The following PTGFRN variants were observed in gnomAD, a reference collection of about 807,000 sequenced individuals.
The protein encoded by PTGFRN is prostaglandin F2 receptor negative regulator.
PTGFRN carries 35 observed loss-of-function variants against 83.2 expected under a neutral mutation model. The observed-to-expected ratio is 0.42, with a 90% CI of 0.32 to 0.56. The LOEUF (loss-of-function observed/expected upper bound fraction) is 0.56. Ranked by LOEUF, PTGFRN falls within the 20% of genes least tolerant of loss-of-function variation. The pLI, the probability that PTGFRN is intolerant of heterozygous loss-of-function variation, is 0.11. For synonymous variants in PTGFRN, 519 were observed against 498.6 expected (o/e 1.04, Z -0.55); for missense variants, 1,051 against 1,179.5 (o/e 0.89, Z 1.60).
rs746539773 is a variant in PTGFRN, at chr1:116,941,227, G to A, written c.50-488G>A. ...TAACAGGAGTTAAATCATTTTATCA[G>A]CAGGCTGCTCTAGGATTTAAAAATT... On this transcript the variant is annotated intron_variant, in intron 1 of 8. Coordinates refer to ENST00000393203, the MANE Select transcript of PTGFRN (RefSeq NM_020440.4). The surrounding 1 kb of genome is among the most constrained non-coding windows in gnomAD (Gnocchi z 5.0). Among the ~76,000 whole-genome samples, 27 of 152,178 alleles carry A rather than the reference G, an allele frequency of 1.8e-4. No individual in the cohort carries two copies. Among genetic ancestry groups the A allele is most frequent in the Non-Finnish European group, 3.5e-4 (24 of 68,036 alleles).
intron 7 of PTGFRN, among the ~76,000 whole-genome samples, chr1:116,983,498 CAAAAAAAA>C (rs71096893): frequency 2.4e-3 from 249 of 104,020 alleles, no homozygotes; most frequent in African/African-American, 7.8e-3. Flanking sequence ...ACACTGGGAA[CAAAAAAAA>C]AAAAAAAAAA....
intron 1 of PTGFRN, among the ~76,000 whole-genome samples, chr1:116,914,511 G>A (rs948720439): frequency 1.3e-5 from 2 of 152,196 alleles, no homozygotes; most frequent in African/African-American, 4.8e-5. Flanking sequence ...AGCACTTTGG[G>A]AGGCCAAGGT....
At position 116,988,081 on chromosome 1, in the gene PTGFRN, G is replaced by C. The variant is rs1651562131; in HGVS notation, c.*1114G>C. The C allele has an allele frequency of 6.6e-6, 1 of 152,178 alleles. No individual in the cohort carries two copies. Among genetic ancestry groups the C allele is most frequent in the African/African-American group, 2.4e-5 (1 of 41,436 alleles). 9.4% of individuals were successfully genotyped at this position (152,178 alleles called of 1,614,324 possible). ...TTAACCTGAAGGCAAATTGCTACTTGCAAGACTGACTGACTTCAAGGAATC... is the reference window on the plus strand; with the variant it reads ...TTAACCTGAAGGCAAATTGCTACTTCCAAGACTGACTGACTTCAAGGAATC... On this transcript the variant is annotated 3_prime_UTR_variant, in exon 9 of 9. Coordinates refer to ENST00000393203, the MANE Select transcript of PTGFRN (RefSeq NM_020440.4).
chr1:116,941,224 T>A lies in PTGFRN; in HGVS notation c.50-491T>A, dbSNP rs561796782. Among the ~76,000 whole-genome samples, 3 of 152,352 alleles carry A rather than the reference T, an allele frequency of 2.0e-5. No individual in the cohort carries two copies. The East Asian group carries it at 5.8e-4, about 29-fold the overall frequency. Reference sequence around the variant, plus strand: ...AGATAACAGGAGTTAAATCATTTTATCAGCAGGCTGCTCTAGGATTTAAAA... The same window carrying A: ...AGATAACAGGAGTTAAATCATTTTAACAGCAGGCTGCTCTAGGATTTAAAA... On this transcript the variant is annotated intron_variant, in intron 1 of 8. Coordinates refer to ENST00000393203, the MANE Select transcript of PTGFRN (RefSeq NM_020440.4). The surrounding 1 kb of genome is among the most constrained non-coding windows in gnomAD (Gnocchi z 5.0).
At chr1:116,973,375 C>T (rs928848334) in intron 6 of PTGFRN, among the ~76,000 whole-genome samples, 6 of 152,002 alleles carry the variant, frequency 3.9e-5, no homozygotes, top group East Asian at 1.9e-4. Context: ...CTTTGGGAGG[C>T]GGGCAGATCA....
intron 1 of PTGFRN, among the ~76,000 whole-genome samples, chr1:116,938,704 TC>T (rs1178327240): frequency 6.6e-6 from 1 of 152,020 alleles, no homozygotes. Flanking sequence ...TTCCCAACAG[TC>T]CCCCAAAGTC....
chr1:116,915,351 G>A (rs772612633), intron 1 of PTGFRN, among the ~76,000 whole-genome samples: 6 of 152,178 alleles, frequency 3.9e-5, no homozygotes, highest in African/African-American at 7.2e-5. Flanking sequence ...CTCTGAGGAC[G>A]GGCCGAAATG....
intron 4 of PTGFRN, among the ~76,000 whole-genome samples, chr1:116,955,837 T>A (rs1356358101): frequency 6.6e-6 from 1 of 152,142 alleles, no homozygotes; most frequent in Non-Finnish European, 1.5e-5. Context: ...AAGACATACA[T>A]ACGAATAACC....
intron 1 of PTGFRN, among the ~76,000 whole-genome samples, chr1:116,934,169 A>G (rs1296668519): frequency 6.6e-6 from 1 of 151,808 alleles, no homozygotes; most frequent in African/African-American, 2.4e-5. Context: ...TTTTTGAGAC[A>G]GGGTCTTACT....
intron 7 of PTGFRN, 42 bp from the exon 8 acceptor site, chr1:116,984,638 C>G: frequency 6.3e-7 from 1 of 1,584,406 alleles, no homozygotes; most frequent in Non-Finnish European, 8.6e-7. Context: ...ATGACTTCTG[C>G]CCATTGCACT....
intron 7 of PTGFRN, chr1:116,974,554 C>A (rs1479683533): frequency 2.3e-6 from 1 of 435,124 alleles, no homozygotes. Flanking sequence ...TCTGAGCTGT[C>A]AAGACAGTCA....
chr1:116,975,302 G>T (rs1001946218), intron 7 of PTGFRN, among the ~76,000 whole-genome samples: 11 of 152,206 alleles, frequency 7.2e-5, no homozygotes, highest in Non-Finnish European at 1.6e-4. Context: ...CTGGGGGCAG[G>T]GCATAGCCAA....
At chr1:116,945,885 C>T (rs1557739220) in intron 3 of PTGFRN, among the ~76,000 whole-genome samples, 1 of 151,936 alleles carries the variant, frequency 6.6e-6, no homozygotes, top group South Asian at 2.1e-4. Flanking sequence ...CAATGGAGGA[C>T]CTACTGTGTG....
Position 116,984,775 on chromosome 1 carries a change from G to A in PTGFRN, c.2263G>A (p.Val755Met), listed in dbSNP as rs185204873. Residue 755 changes from valine (V) to methionine (M), a missense_variant, in exon 8 of 9, where the codon GTG becomes ATG. Coordinates refer to ENST00000393203, the MANE Select transcript of PTGFRN (RefSeq NM_020440.4). ...GTCTTCCCTGGATCGGAAGGGCATC[G>A]TGACCACCTCCCGGAGGGACTGGAA... Reference protein sequence around the residue: ...LLSSLDRKGIVTTSRRDWKSD... With the variant: ...LLSSLDRKGIMTTSRRDWKSD... 8 of 1,614,012 alleles carry A rather than the reference G, an allele frequency of 5.0e-6. No homozygotes were observed. Among genetic ancestry groups the A allele is most frequent in the African/African-American group, 2.7e-5 (2 of 74,906 alleles).
rs1127215 is a variant in PTGFRN, at chr1:116,990,168, C to T, written c.*3201C>T. On this transcript the variant is annotated 3_prime_UTR_variant, in exon 9 of 9. Coordinates refer to ENST00000393203, the MANE Select transcript of PTGFRN (RefSeq NM_020440.4). ...GTGCAGATCCCTAGAAGAGAAAACG[C>T]TGACTTTCTTTTTAAGTGTGGCACA... 61,086 of 152,414 alleles carry T rather than the reference C, an allele frequency of 0.4. 12,585 individuals are homozygous for T. The highest frequency in any genetic ancestry group is 0.52 in the Admixed American group (7,942 of 15,258). The allele number at this position is 152,414 out of a possible 1,614,324, so 9.4% of individuals were successfully genotyped here.
At chr1:116,914,800 A>G (rs539190145) in intron 1 of PTGFRN, among the ~76,000 whole-genome samples, 50 of 151,550 alleles carry the variant, frequency 3.3e-4, no homozygotes, top group African/African-American at 1.2e-3. Flanking sequence ...GCCCAGGCAC[A>G]GCCACTCCTG....
At chr1:116,939,495 C>T (rs541728579) in intron 1 of PTGFRN, among the ~76,000 whole-genome samples, 22 of 152,286 alleles carry the variant, frequency 1.4e-4, no homozygotes, top group African/African-American at 5.3e-4. Flanking sequence ...GCACCAAGTC[C>T]CTAGGCTGCA....
At chr1:116,963,168 T>A (rs2101077613) in intron 5 of PTGFRN, among the ~76,000 whole-genome samples, 1 of 152,378 alleles carries the variant, frequency 6.6e-6, no homozygotes, top group South Asian at 2.1e-4. Flanking sequence ...ACATGTTGAC[T>A]GGTCTCCCTT....
intron 1 of PTGFRN, among the ~76,000 whole-genome samples, chr1:116,914,372 G>A (rs771481188): frequency 1.1e-4 from 17 of 152,336 alleles, no homozygotes; most frequent in Middle Eastern, 6.8e-3. Flanking sequence ...GAAGCCATGT[G>A]CCAGCTACTA....
Sources: allele counts gnomAD v4.1 joint callset (sites outside exome capture counted in the v4.1 genomes callset), GRCh38; gene constraint gnomAD v4.1.1; non-coding constraint Gnocchi (gnomAD v3.1); transcripts MANE v1.5; gene names NCBI Gene and HGNC (gene_info 2026-07-23, HGNC 2026-07-21).